DIAPH2: variants seen among roughly 807,000 people sequenced by gnomAD.
DIAPH2 encodes protein diaphanous homolog 2.
A neutral mutation model predicts 92.7 loss-of-function variants in DIAPH2; 35 were observed. The observed-to-expected ratio is 0.38, with a 90% CI of 0.29 to 0.50. The LOEUF (loss-of-function observed/expected upper bound fraction) is 0.50. Among genes scored for constraint, DIAPH2 ranks in the 20% least tolerant of loss-of-function variants. The probability of loss-of-function intolerance (pLI) is 0.94; values close to 1 mark genes in which losing one functional copy is unlikely to be tolerated. For missense variants in DIAPH2, 701 were observed against 819.5 expected (o/e 0.86, Z 1.77); for synonymous variants, 301 against 280.4 (o/e 1.07, Z -0.73).
chrX:97,064,055 G>C, intron 17 of DIAPH2, among the ~76,000 whole-genome samples: 1 of 112,052 alleles, frequency 8.9e-6, no homozygotes, highest in Non-Finnish European at 1.9e-5. Flanking sequence ...CCTTCTTTAT[G>C]TTACTGGAGC....
chrX:97,205,828 C>A (rs1417517522), intron 22 of DIAPH2, among the ~76,000 whole-genome samples: 1 of 111,521 alleles, frequency 9.0e-6, no homozygotes, highest in Non-Finnish European at 1.9e-5. Flanking sequence ...GATTATAAAT[C>A]ATTCTATTAT....
At chrX:97,546,973 C>G (rs956590938) in intron 26 of DIAPH2, among the ~76,000 whole-genome samples, 1 of 112,049 alleles carries the variant, frequency 8.9e-6, no homozygotes, top group Non-Finnish European at 1.9e-5. Flanking sequence ...CAGCAGTTTG[C>G]TTGAAGTTAA....
intron 23 of DIAPH2, among the ~76,000 whole-genome samples, chrX:97,255,243 C>G (rs759003308): frequency 9.0e-6 from 1 of 111,650 alleles, no homozygotes; most frequent in South Asian, 3.8e-4. Context: ...CCTTTTCAAT[C>G]TCTCTCAAAT....
At chrX:97,546,541 C>T (rs953557980) in intron 26 of DIAPH2, among the ~76,000 whole-genome samples, 3 of 111,592 alleles carry the variant, frequency 2.7e-5, no homozygotes, top group African/African-American at 9.8e-5. Context: ...TATAAAATTA[C>T]AATCACGATC....
chrX:97,535,239 G>A (rs1246553091), intron 26 of DIAPH2, among the ~76,000 whole-genome samples: 3 of 112,014 alleles, frequency 2.7e-5, no homozygotes, highest in African/African-American at 9.7e-5. Flanking sequence ...ACTAGTATAA[G>A]ATATTTACAA....
At chrX:96,875,849 A>T (rs1226475002) in intron 4 of DIAPH2, among the ~76,000 whole-genome samples, 3 of 111,774 alleles carry the variant, frequency 2.7e-5, no homozygotes, top group Non-Finnish European at 5.6e-5. Context: ...GGACATAGGC[A>T]TGGGCAAGGA....
intron 1 of DIAPH2, among the ~76,000 whole-genome samples, chrX:96,715,539 G>A (rs376980351): frequency 1.3e-4 from 14 of 111,666 alleles, no homozygotes; most frequent in African/African-American, 3.3e-4. Flanking sequence ...ATGCTTTCCC[G>A]TGGCAGTATT....
chrX:97,254,731 AT>A (rs2068222148), intron 23 of DIAPH2, among the ~76,000 whole-genome samples: 3 of 106,749 alleles, frequency 2.8e-5, no homozygotes, highest in African/African-American at 1.0e-4. Context: ...TATTTATTTT[AT>A]TTTATTTTTG....
intron 22 of DIAPH2, among the ~76,000 whole-genome samples, chrX:97,207,682 C>T (rs2067808852): frequency 2.7e-5 from 3 of 110,879 alleles, no homozygotes; most frequent in South Asian, 3.8e-4. Context: ...TTTTGTCTTA[C>T]CTTCTGCCCA....
intron 23 of DIAPH2, among the ~76,000 whole-genome samples, chrX:97,335,541 A>G (rs1485319793): frequency 9.0e-6 from 1 of 111,498 alleles, no homozygotes; most frequent in Non-Finnish European, 1.9e-5. Context: ...TTTAACCATA[A>G]CTCCTGTATT....
intron 23 of DIAPH2, among the ~76,000 whole-genome samples, chrX:97,284,892 G>T (rs1346476590): frequency 1.8e-5 from 2 of 111,361 alleles, no homozygotes; most frequent in Non-Finnish European, 3.8e-5. Flanking sequence ...ACAGTATGTG[G>T]CACAGAGCAC....
intron 23 of DIAPH2, among the ~76,000 whole-genome samples, chrX:97,286,967 T>C (rs1457920883): frequency 8.9e-6 from 1 of 111,845 alleles, no homozygotes; most frequent in Non-Finnish European, 1.9e-5. Flanking sequence ...GCAGGTGTTA[T>C]CATGGCAACA....
At chrX:97,322,382 AAG>A (rs1158622054) in intron 23 of DIAPH2, among the ~76,000 whole-genome samples, 2 of 112,114 alleles carry the variant, frequency 1.8e-5, no homozygotes, top group African/African-American at 6.5e-5. Flanking sequence ...TGCGAGGTGG[AAG>A]AAAAGCTGAA....
At chrX:97,367,700 A>G (rs2069394350) in intron 24 of DIAPH2, among the ~76,000 whole-genome samples, 1 of 107,916 alleles carries the variant, frequency 9.3e-6, no homozygotes, top group Non-Finnish European at 1.9e-5. Context: ...TCGGTAAAAT[A>G]TCTTTTTTTT....
chrX:96,743,926 A>G (rs1333031478), intron 3 of DIAPH2, among the ~76,000 whole-genome samples: 2 of 111,958 alleles, frequency 1.8e-5, no homozygotes, highest in African/African-American at 6.5e-5. Flanking sequence ...ATACTTCAAA[A>G]CATTGTGCTG....
At chrX:96,720,092 AG>A (rs2063980282) in intron 1 of DIAPH2, among the ~76,000 whole-genome samples, 1 of 111,672 alleles carries the variant, frequency 9.0e-6, no homozygotes, top group Non-Finnish European at 1.9e-5. Context: ...TCAATCTGAC[AG>A]TCTCCTTTTA....
chrX:96,867,729 AT>A (rs1375945972), intron 4 of DIAPH2, among the ~76,000 whole-genome samples: 1 of 111,552 alleles, frequency 9.0e-6, no homozygotes, highest in Non-Finnish European at 1.9e-5. Flanking sequence ...TTGAAATGAA[AT>A]CCCCCAAAAT....
At chrX:97,355,679 C>G (rs1404571276) in intron 24 of DIAPH2, among the ~76,000 whole-genome samples, 1 of 111,195 alleles carries the variant, frequency 9.0e-6, no homozygotes, top group Non-Finnish European at 1.9e-5. Flanking sequence ...CTCCAGGTCT[C>G]TTCATTTATG....
chrX:97,550,714 G>C (rs369363183), intron 26 of DIAPH2, among the ~76,000 whole-genome samples: 1 of 112,299 alleles, frequency 8.9e-6, no homozygotes, highest in Non-Finnish European at 1.9e-5. Context: ...GCCAACTCAG[G>C]CTGCATTAAG....
Sources: gnomAD v4.1 joint callset for allele counts (sites outside exome capture counted in the v4.1 genomes callset) on GRCh38, gnomAD v4.1.1 for gene constraint, MANE v1.5 for transcripts, NCBI Gene and HGNC (gene_info 2026-07-23, HGNC 2026-07-21) for gene names.